RIPOR3: variants seen among roughly 807,000 people sequenced by gnomAD.
RIPOR3 encodes RIPOR family member 3.
In RIPOR3, 95 loss-of-function variants were observed where a neutral mutation model predicts 114.3. The ratio of observed to expected loss-of-function variants is 0.83; its 90% confidence interval spans 0.70 to 0.99. The LOEUF is 0.99. RIPOR3 is among the 50% of genes least tolerant of loss of function. The pLI is 0.00. For missense variants in RIPOR3, 1,252 were observed against 1,266.9 expected (o/e 0.99, Z 0.18); for synonymous variants, 575 against 543.8 (o/e 1.06, Z -0.80).
intron 1 of RIPOR3, among the ~76,000 whole-genome samples, chr20:50,681,389 G>T (rs2086859137): frequency 1.3e-5 from 2 of 152,088 alleles, no homozygotes; most frequent in Non-Finnish European, 2.9e-5. Flanking sequence ...AGGTGGTAGG[G>T]GATCCAGGGT....
intron 2 of RIPOR3, among the ~76,000 whole-genome samples, chr20:50,621,247 G>A (rs577017919): frequency 1.1e-4 from 16 of 152,326 alleles, no homozygotes; most frequent in Admixed American, 3.9e-4. Context: ...AGGCAATGCC[G>A]TGTGGGAGGC....
intron 1 of RIPOR3, among the ~76,000 whole-genome samples, chr20:50,639,953 C>T (rs1440682278): frequency 6.6e-6 from 1 of 151,940 alleles, no homozygotes; most frequent in Non-Finnish European, 1.5e-5. Context: ...GGCACATCTC[C>T]AGACACTGCC....
intron 20 of RIPOR3, 31 bp from the exon 21 acceptor site, chr20:50,587,923 TA>T (rs1601426708): frequency 6.2e-7 from 1 of 1,607,924 alleles, no homozygotes; most frequent in South Asian, 1.1e-5. Context: ...AAGAACCCTT[TA>T]GGGGGCCTTC....
chr20:50,670,499 GC>G (rs1476131972), intron 1 of RIPOR3, among the ~76,000 whole-genome samples: 4 of 151,888 alleles, frequency 2.6e-5, no homozygotes, highest in African/African-American at 9.7e-5. Context: ...TTTCCTTGTT[GC>G]CCTATGAGTA....
rs780084514 is a variant in RIPOR3, at chr20:50,592,403, A to G, written c.2518T>C (p.Cys840Arg). ...GCCAGGCGAGCGCTGGCCGCCCTGCACACCCTCGGAGTGCCGTCCAGCTGG... is the reference window on the plus strand; with the variant it reads ...GCCAGGCGAGCGCTGGCCGCCCTGCGCACCCTCGGAGTGCCGTCCAGCTGG... ...LLQLDGTPRV[C>R]RAASARLAGA... Residue 840 changes from cysteine (C) to arginine (R), a missense_variant, in exon 19 of 22, where the codon TGC becomes CGC. Physicochemically the swap from Cys to Arg is radical, Grantham distance 180. Transcript: ENST00000327979. The G allele has an allele frequency of 6.2e-7, 1 of 1,610,460 alleles. No homozygotes were observed. The highest frequency in any genetic ancestry group is 2.2e-5 in the East Asian group (1 of 44,758).
At chr20:50,658,929 T>C (rs1045656970) in intron 1 of RIPOR3, among the ~76,000 whole-genome samples, 2 of 152,036 alleles carry the variant, frequency 1.3e-5, no homozygotes, top group Non-Finnish European at 2.9e-5. Context: ...AAAGGGGAAA[T>C]ACAATCAAGC....
At chr20:50,642,572 C>G (rs1300543299) in intron 1 of RIPOR3, among the ~76,000 whole-genome samples, 1 of 151,474 alleles carries the variant, frequency 6.6e-6, no homozygotes, top group Non-Finnish European at 1.5e-5. Context: ...TGCAAAGTCC[C>G]CCAGGGTATG....
Position 50,596,041 on chromosome 20 carries a change from C to T in RIPOR3, c.1914+99G>A, listed in dbSNP as rs2083276645. The T allele has an allele frequency of 1.0e-5, 16 of 1,533,410 alleles. No individual in the cohort carries two copies. In the South Asian group the frequency reaches 1.9e-4, roughly 18 times the overall value. 95.0% of individuals were successfully genotyped at this position (1,533,410 alleles called of 1,614,324 possible). ...ACGGGCTTCCAGGATGCAGGTCTGT[C>T]ACCCCTTCATGCTTCCCACCACCTT... On this transcript the variant is annotated intron_variant, in intron 15 of 21. Transcript: ENST00000327979.
intron 4 of RIPOR3, among the ~76,000 whole-genome samples, chr20:50,612,443 C>T (rs1306822403): frequency 6.6e-6 from 1 of 152,118 alleles, no homozygotes; most frequent in Non-Finnish European, 1.5e-5. Flanking sequence ...CTCTAATTTT[C>T]ACTGGCTGTT....
At chr20:50,591,331 T>C (rs936837505) in intron 19 of RIPOR3, among the ~76,000 whole-genome samples, 1 of 152,216 alleles carries the variant, frequency 6.6e-6, no homozygotes, top group Admixed American at 6.5e-5. Flanking sequence ...TTTTGACACA[T>C]ATAGTTAACT....
At chr20:50,642,104 C>T (rs568872193) in intron 1 of RIPOR3, among the ~76,000 whole-genome samples, 14 of 152,278 alleles carry the variant, frequency 9.2e-5, no homozygotes, top group Middle Eastern at 3.4e-3. Flanking sequence ...TTGGCTACTA[C>T]TCTTAGGGGT....
At chr20:50,628,050 C>A (rs750078795) in intron 2 of RIPOR3, among the ~76,000 whole-genome samples, 2 of 152,250 alleles carry the variant, frequency 1.3e-5, no homozygotes, top group Admixed American at 6.5e-5. Flanking sequence ...TGATTACAGA[C>A]CCCTGCAAGA....
intron 1 of RIPOR3, among the ~76,000 whole-genome samples, chr20:50,666,190 T>TTCTTTTCTTTTCTTTTCTTTTCTTTTC (rs2086204816): frequency 1.9e-5 from 1 of 51,618 alleles, no homozygotes; most frequent in Admixed American, 2.6e-4. Context: ...CCCATTTCTT[T>TTCTTTTCTTTTCTTTTCTTTTCTTTTC]TCTTTTCTTT....
intron 1 of RIPOR3, among the ~76,000 whole-genome samples, chr20:50,676,837 C>T (rs1002602215): frequency 2.3e-5 from 1 of 42,802 alleles, no homozygotes; most frequent in African/African-American, 6.3e-5. Flanking sequence ...CTCCTGGGCT[C>T]AAGCAATCCT....
Position 50,596,220 on chromosome 20 carries a change from A to G in RIPOR3, c.1834T>C (p.Ser612Pro). The G allele has an allele frequency of 1.9e-6, 3 of 1,614,168 alleles. No homozygotes were observed. The highest frequency in any genetic ancestry group is 2.5e-6 in the Non-Finnish European group (3 of 1,180,044). The change falls in exon 15 of 22, where the codon TCC becomes CCC. Residue 612 changes from serine (S) to proline (P), a missense_variant. Physicochemically the swap from Ser to Pro is moderately conservative, Grantham distance 74. Transcript: ENST00000327979. ...GGGGCACCGGCTGTGAGTTCCCTGG[A>G]TGACGCTTTCAGTGATGACGGTGGG... ...LPPPSSLKASSRELTAGAPEL... is the reference protein window; with the variant it reads ...LPPPSSLKASPRELTAGAPEL...
Position 50,587,834 on chromosome 20 carries a change from C to T in RIPOR3, c.2720G>A (p.Arg907Gln), listed in dbSNP as rs751323373. The T allele has an allele frequency of 4.7e-5, 76 of 1,614,060 alleles. No individual in the cohort carries two copies. Among genetic ancestry groups the T allele is most frequent in the Admixed American group, 1.0e-4 (6 of 60,014 alleles). ...CAGTGTGGTTTCCCGGGCTGCCGCC[C>T]GCACGGCCTCCAGGTCAGACTGGCA... is the stretch of plus-strand genomic sequence containing the variant. ...SLCQSDLEAV[R>Q]AAARETTLSF... The change falls in exon 21 of 22, where the codon CGG becomes CAG. Residue 907 changes from arginine (R) to glutamine (Q), a missense_variant. Transcript: ENST00000327979.
At chr20:50,623,260 T>TAAAAAAAA (rs57108911) in intron 2 of RIPOR3, among the ~76,000 whole-genome samples, 1 of 113,264 alleles carries the variant, frequency 8.8e-6, no homozygotes, top group Non-Finnish European at 2.0e-5. Context: ...AACTCTGCCT[T>TAAAAAAAA]AAAAAAAAAA....
At chr20:50,678,508 G>C (rs1043050603) in intron 1 of RIPOR3, among the ~76,000 whole-genome samples, 13 of 152,216 alleles carry the variant, frequency 8.5e-5, no homozygotes, top group Non-Finnish European at 1.8e-4. Context: ...CCAAGGCCAA[G>C]GTTATCATGG....
At chr20:50,668,799 G>A (rs1036035273) in intron 1 of RIPOR3, among the ~76,000 whole-genome samples, 1 of 151,960 alleles carries the variant, frequency 6.6e-6, no homozygotes, top group African/African-American at 2.4e-5. Flanking sequence ...AGAGGTTGCA[G>A]TGAGCCAAGA....
Sources: gnomAD v4.1 joint callset for allele counts (sites outside exome capture counted in the v4.1 genomes callset) on GRCh38, gnomAD v4.1.1 for gene constraint, MANE v1.5 for transcripts, NCBI Gene and HGNC (gene_info 2026-07-23, HGNC 2026-07-21) for gene names.